The following GRXCR1 variants were observed in gnomAD, a reference collection of about 807,000 sequenced individuals.
GRXCR1 encodes the protein glutaredoxin domain-containing cysteine-rich protein 1.
Under a neutral mutation model 27.3 loss-of-function variants are expected in GRXCR1, and 27 were observed. That is an observed-to-expected ratio of 0.99 (90% confidence interval 0.73 to 1.37). The LOEUF (loss-of-function observed/expected upper bound fraction) is 1.37. Ranked by LOEUF, GRXCR1 falls within the 40% of genes most tolerant of loss-of-function variation. The pLI is 0.00. For synonymous variants in GRXCR1, 122 were observed against 131.1 expected (o/e 0.93, Z 0.47); for missense variants, 379 against 354.4 (o/e 1.07, Z -0.56).
intron 2 of GRXCR1, among the ~76,000 whole-genome samples, chr4:43,012,879 G>A (rs1712803772): frequency 6.6e-6 from 1 of 152,084 alleles, no homozygotes; most frequent in African/African-American, 2.4e-5. Flanking sequence ...CGTTAAAAAT[G>A]TGCGAAAGAC....
intron 2 of GRXCR1, among the ~76,000 whole-genome samples, chr4:42,969,566 T>C: frequency 6.6e-6 from 1 of 151,804 alleles, no homozygotes; most frequent in African/African-American, 2.4e-5. Context: ...GAGAGAGGGA[T>C]CGAGAGAGCA....
At chr4:42,918,862 A>G (rs1423830282) in intron 1 of GRXCR1, among the ~76,000 whole-genome samples, 3 of 152,240 alleles carry the variant, frequency 2.0e-5, no homozygotes, top group Middle Eastern at 3.4e-3. Flanking sequence ...TTGGAAAATT[A>G]AAAAGCGAGT....
chr4:42,967,330 G>A (rs1482145093), intron 2 of GRXCR1, among the ~76,000 whole-genome samples: 1 of 152,052 alleles, frequency 6.6e-6, no homozygotes, highest in African/African-American at 2.4e-5. Context: ...TGCCTTTGCT[G>A]TGTTGTCAAA....
At chr4:42,909,624 A>ACCTC (rs1415976803) in intron 1 of GRXCR1, among the ~76,000 whole-genome samples, 1 of 151,942 alleles carries the variant, frequency 6.6e-6, no homozygotes, top group African/African-American at 2.4e-5. Context: ...AAATCCATTT[A>ACCTC]CCTCCTGGTT....
rs186319103 is a variant in GRXCR1, at chr4:43,030,025, A to G, written c.694-336A>G. On this transcript the variant is annotated intron_variant, in intron 3 of 3. Transcript: ENST00000399770. ...TGGGAAAGTTAAAGTATTTTCCCTT[A>G]ATACAAAAAGCCAGCTTCTGAATTA... Among the ~76,000 whole-genome samples, 87 of 152,314 alleles carry G rather than the reference A, an allele frequency of 5.7e-4. 1 individual carries two copies. Among genetic ancestry groups the G allele is most frequent in the South Asian group, 2.5e-3 (12 of 4,824 alleles).
Position 43,018,187 on chromosome 4 carries a change from A to C in GRXCR1, c.628-2167A>C, listed in dbSNP as rs573615067. Among the ~76,000 whole-genome samples the C allele has an allele frequency of 4.4e-3, 677 of 152,290 alleles. 9 individuals are homozygous for C. The highest frequency in any genetic ancestry group is 0.014 in the African/African-American group (567 of 41,560). ...GGAACAGGAGGCTTTGACTACTGTCAATGCTCAGCATGTGGCATGGGGACC... is the reference window on the plus strand; with the variant it reads ...GGAACAGGAGGCTTTGACTACTGTCCATGCTCAGCATGTGGCATGGGGACC... On this transcript the variant is annotated intron_variant, in intron 2 of 3. Transcript: ENST00000399770.
chr4:42,997,349 A>T (rs1358993597), intron 2 of GRXCR1, among the ~76,000 whole-genome samples: 1 of 152,174 alleles, frequency 6.6e-6, no homozygotes, highest in Non-Finnish European at 1.5e-5. Flanking sequence ...TAGTGTGTCT[A>T]TTTACATAGG....
intron 2 of GRXCR1, among the ~76,000 whole-genome samples, chr4:43,019,062 G>T (rs1374014494): frequency 1.3e-5 from 2 of 152,128 alleles, no homozygotes; most frequent in African/African-American, 4.8e-5. Flanking sequence ...ATGGAACCAA[G>T]AAGTAAATAC....
At chr4:42,953,351 G>A (rs1261955416) in intron 1 of GRXCR1, among the ~76,000 whole-genome samples, 4 of 152,126 alleles carry the variant, frequency 2.6e-5, no homozygotes, top group African/African-American at 4.8e-5. Flanking sequence ...TCTTCCACCC[G>A]GCCCTTGCTC....
chr4:43,010,523 C>T (rs1329037277), intron 2 of GRXCR1, among the ~76,000 whole-genome samples: 2 of 151,952 alleles, frequency 1.3e-5, no homozygotes, highest in African/African-American at 4.8e-5. Flanking sequence ...GAAATATCAC[C>T]TTTCGCTAAA....
rs1421860156 is a variant in GRXCR1 at position 42,893,278 on chromosome 4, G to A, written c.12G>A (p.Arg4=). Reference sequence around the variant, plus strand: ...GGGTGGAGGTGACCATGCTTAAAAGGGAGATGAAGCCAGAAAGTGACAGGC... The same window carrying A: ...GGGTGGAGGTGACCATGCTTAAAAGAGAGATGAAGCCAGAAAGTGACAGGC... MLK[R]EMKPESDRPR... Residue 4 remains arginine, a synonymous_variant, in exon 1 of 4, where the codon AGG becomes AGA. Transcript: ENST00000399770. The A allele has an allele frequency of 1.2e-6, 2 of 1,613,502 alleles. No individual in the cohort carries two copies. Among genetic ancestry groups the A allele is most frequent in the African/African-American group, 1.3e-5 (1 of 74,884 alleles).
At chr4:42,931,262 A>G (rs147647048) in intron 1 of GRXCR1, among the ~76,000 whole-genome samples, 1 of 152,142 alleles carries the variant, frequency 6.6e-6, no homozygotes, top group East Asian at 1.9e-4. Flanking sequence ...TAAAGTTTGC[A>G]GTATAATAAT....
chr4:42,990,626 G>A (rs1402618899), intron 2 of GRXCR1, among the ~76,000 whole-genome samples: 2 of 151,972 alleles, frequency 1.3e-5, no homozygotes, highest in Non-Finnish European at 2.9e-5. Context: ...CTTCTTTGGA[G>A]ATTTTATCAA....
intron 1 of GRXCR1, among the ~76,000 whole-genome samples, chr4:42,929,995 G>A (rs543411724): frequency 1.3e-5 from 2 of 152,074 alleles, no homozygotes; most frequent in African/African-American, 2.4e-5. Flanking sequence ...TGGCAGGACC[G>A]AGAGCTGAAG....
intron 1 of GRXCR1, among the ~76,000 whole-genome samples, chr4:42,910,910 C>G (rs181941902): frequency 6.6e-6 from 1 of 152,256 alleles, no homozygotes; most frequent in African/African-American, 2.4e-5. Context: ...TTTAGACTAA[C>G]TCCAGATGTG....
intron 1 of GRXCR1, among the ~76,000 whole-genome samples, chr4:42,907,159 TG>T (rs775733953): frequency 1.3e-5 from 2 of 152,138 alleles, no homozygotes; most frequent in Non-Finnish European, 2.9e-5. Context: ...GAATACAAAT[TG>T]TAGCATGTAT....
intron 2 of GRXCR1, among the ~76,000 whole-genome samples, chr4:42,979,000 T>G (rs1384940245): frequency 6.6e-6 from 1 of 152,022 alleles, no homozygotes; most frequent in African/African-American, 2.4e-5. Flanking sequence ...GTGCCTTGCT[T>G]CTCTTTCACT....
intron 1 of GRXCR1, among the ~76,000 whole-genome samples, chr4:42,926,103 A>G (rs941888605): frequency 3.9e-5 from 6 of 152,132 alleles, no homozygotes; most frequent in Non-Finnish European, 7.4e-5. Context: ...GCTAGCTGTC[A>G]CATTGCTGTT....
At chr4:42,940,815 G>A (rs916966223) in intron 1 of GRXCR1, among the ~76,000 whole-genome samples, 1 of 151,818 alleles carries the variant, frequency 6.6e-6, no homozygotes, top group Non-Finnish European at 1.5e-5. Context: ...TAAGCATATG[G>A]TGTTATTTCA....
Sources: allele counts gnomAD v4.1 joint callset (sites outside exome capture counted in the v4.1 genomes callset), GRCh38; gene constraint gnomAD v4.1.1; transcripts MANE v1.5; gene names NCBI Gene and HGNC (gene_info 2026-07-23, HGNC 2026-07-21).